RPS6KC1: variants seen among roughly 807,000 people sequenced by gnomAD.
The protein encoded by RPS6KC1 is inactive ribosomal protein S6 kinase delta-1.
A neutral mutation model predicts 103.8 loss-of-function variants in RPS6KC1; 54 were observed. The observed-to-expected ratio is 0.52, with a 90% CI of 0.42 to 0.65. RPS6KC1 has a LOEUF of 0.65. Among genes scored for constraint, RPS6KC1 ranks in the 30% least tolerant of loss-of-function variants. RPS6KC1 has a pLI of 0.00. For missense variants in RPS6KC1, 1,151 were observed against 1,253.8 expected, an observed-to-expected ratio of 0.92 and a Z score of 1.24; for synonymous variants, 439 against 438.7, an observed-to-expected ratio of 1.00 and a Z score of -0.01.
intron 6 of RPS6KC1, among the ~76,000 whole-genome samples, chr1:213,163,928 T>C (rs533931680): frequency 6.6e-6 from 1 of 152,380 alleles, no homozygotes; most frequent in South Asian, 2.1e-4. Flanking sequence ...TGTATCTTTG[T>C]TTCCATACTC....
chr1:213,354,260 G>A, the RPS6KC1 span, among the ~76,000 whole-genome samples: 1 of 152,214 alleles, frequency 6.6e-6, no homozygotes, highest in African/African-American at 2.4e-5. Flanking sequence ...CACCATGAGT[G>A]CTCACTAACC....
At chr1:213,115,539 G>C (rs534450491) in intron 4 of RPS6KC1, among the ~76,000 whole-genome samples, 1 of 151,980 alleles carries the variant, frequency 6.6e-6, no homozygotes, top group Non-Finnish European at 1.5e-5. Context: ...AGGGTTTTTT[G>C]TATCTCTATT....
chr1:213,828,730 A>C, the RPS6KC1 span, among the ~76,000 whole-genome samples: 1 of 152,326 alleles, frequency 6.6e-6, no homozygotes, highest in African/African-American at 2.4e-5. Flanking sequence ...AGAGAGATGA[A>C]GACACTTGCC....
At chr1:213,623,051 C>A in the RPS6KC1 span, among the ~76,000 whole-genome samples, 1 of 152,076 alleles carries the variant, frequency 6.6e-6, no homozygotes, top group Non-Finnish European at 1.5e-5. Flanking sequence ...AGATATGCCT[C>A]GATCGATCCA....
At chr1:213,635,704 G>T in the RPS6KC1 span, among the ~76,000 whole-genome samples, 11 of 152,214 alleles carry the variant, frequency 7.2e-5, no homozygotes, top group South Asian at 4.2e-4. Flanking sequence ...TTTGAAAACT[G>T]GCACAAGACA....
chr1:213,137,224 T>G (rs182774021), intron 6 of RPS6KC1, among the ~76,000 whole-genome samples: 179 of 152,244 alleles, frequency 1.2e-3, no homozygotes, highest in African/African-American at 3.2e-3. Context: ...ACTCATTTTC[T>G]ATATATCTGA....
chr1:213,089,868 G>T (rs748415676), intron 3 of RPS6KC1, among the ~76,000 whole-genome samples: 10 of 152,154 alleles, frequency 6.6e-5, no homozygotes, highest in Non-Finnish European at 1.2e-4. Flanking sequence ...TATGTCAGGC[G>T]CGGTCCTACG....
Position 213,179,574 on chromosome 1 carries a change from A to C in RPS6KC1, c.1044+3082A>C, listed in dbSNP as rs557645839. ...ATGTTGAATAAATTCAAAAGGTTAG[A>C]AAATAGCCAGGATATATTGATCTAG... is the stretch of plus-strand genomic sequence containing the variant. On this transcript the variant is annotated intron_variant, in intron 8 of 14. Coordinates refer to ENST00000366960, the MANE Select transcript of RPS6KC1 (RefSeq NM_012424.6). 3.9e-5 allele frequency among the ~76,000 whole-genome samples: 6 copies of C among 152,366 alleles called. No individual in the cohort carries two copies. The South Asian group carries it at 1.2e-3, about 32-fold the overall frequency.
the RPS6KC1 span, among the ~76,000 whole-genome samples, chr1:213,754,818 T>A: frequency 6.6e-6 from 1 of 152,212 alleles, no homozygotes; most frequent in Non-Finnish European, 1.5e-5. Flanking sequence ...CATCAGGGCT[T>A]CAACATATGA....
the RPS6KC1 span, among the ~76,000 whole-genome samples, chr1:213,640,363 G>C: frequency 1.3e-5 from 2 of 150,572 alleles, no homozygotes; most frequent in Admixed American, 1.3e-4. Flanking sequence ...CTTTTAGTTT[G>C]ATTGATTTTT....
At chr1:213,137,508 T>G (rs962017063) in intron 6 of RPS6KC1, among the ~76,000 whole-genome samples, 1 of 151,124 alleles carries the variant, frequency 6.6e-6, no homozygotes, top group Admixed American at 6.6e-5. Flanking sequence ...TAATTTTGTA[T>G]TTTTAGGAGA....
the RPS6KC1 span, among the ~76,000 whole-genome samples, chr1:213,306,233 G>T: frequency 6.6e-6 from 1 of 152,308 alleles, no homozygotes; most frequent in African/African-American, 2.4e-5. Flanking sequence ...GAAACTAGGT[G>T]CATGGCCTCA....
At chr1:213,375,923 A>G in the RPS6KC1 span, among the ~76,000 whole-genome samples, 3 of 152,224 alleles carry the variant, frequency 2.0e-5, no homozygotes, top group Admixed American at 6.5e-5. Context: ...ATGCTGTCCT[A>G]TCGTTTCTGC....
At chr1:213,826,857 C>G in the RPS6KC1 span, among the ~76,000 whole-genome samples, 1 of 152,290 alleles carries the variant, frequency 6.6e-6, no homozygotes, top group East Asian at 1.9e-4. Flanking sequence ...GATCCATGGA[C>G]AGGAAATAGA....
At chr1:213,811,469 C>T in the RPS6KC1 span, among the ~76,000 whole-genome samples, 1 of 152,180 alleles carries the variant, frequency 6.6e-6, no homozygotes, top group African/African-American at 2.4e-5. Flanking sequence ...AAGAAAGGAG[C>T]TGCTCACGAT....
At chr1:213,721,511 G>T in the RPS6KC1 span, among the ~76,000 whole-genome samples, 1 of 152,148 alleles carries the variant, frequency 6.6e-6, no homozygotes, top group African/African-American at 2.4e-5. Flanking sequence ...CACTGTGATT[G>T]GGAGGCCTCC....
At chr1:213,378,351 G>A in the RPS6KC1 span, among the ~76,000 whole-genome samples, 1 of 152,222 alleles carries the variant, frequency 6.6e-6, no homozygotes, top group African/African-American at 2.4e-5. Context: ...ACTGGTGGGA[G>A]GATTAATTCA....
the RPS6KC1 span, among the ~76,000 whole-genome samples, chr1:213,686,437 T>C: frequency 6.6e-6 from 1 of 152,128 alleles, no homozygotes; most frequent in African/African-American, 2.4e-5. Context: ...CTCAGAGAAT[T>C]TGAAAATGCC....
chr1:213,558,867 A>G, the RPS6KC1 span, among the ~76,000 whole-genome samples: 1 of 152,210 alleles, frequency 6.6e-6, no homozygotes, highest in Non-Finnish European at 1.5e-5. Flanking sequence ...TTTTCTGTAC[A>G]TCACTTTCCT....
Sources: allele counts gnomAD v4.1 joint callset (sites outside exome capture counted in the v4.1 genomes callset), GRCh38; gene constraint gnomAD v4.1.1; transcripts MANE v1.5; gene names NCBI Gene and HGNC (gene_info 2026-07-23, HGNC 2026-07-21).